Variants in SLC38A4 observed in about 807,000 individuals in gnomAD.
SLC38A4 encodes solute carrier family 38 member 4.
Under a neutral mutation model 63.1 loss-of-function variants are expected in SLC38A4, and 20 were observed. That is an observed-to-expected ratio of 0.32 (90% CI 0.22 to 0.46). SLC38A4 has a LOEUF of 0.46. SLC38A4 is among the 20% of genes least tolerant of loss of function. The pLI is 1.00. For synonymous variants in SLC38A4, 230 were observed against 225.5 expected (o/e 1.02, Z -0.18); for missense variants, 526 against 663.6 (o/e 0.79, Z 2.28).
intron 2 of SLC38A4, among the ~76,000 whole-genome samples, chr12:46,796,899 C>G (rs572899161): frequency 2.6e-5 from 4 of 152,028 alleles, no homozygotes; most frequent in African/African-American, 7.2e-5. Flanking sequence ...TTGTCTTTAT[C>G]GACTTAACTT....
rs759775472 is a variant in SLC38A4 at position 46,766,641 on chromosome 12, A to G, written c.*60T>C. The G allele has an allele frequency of 1.8e-6, 2 of 1,096,704 alleles. No individual in the cohort carries two copies. Among genetic ancestry groups the G allele is most frequent in the Non-Finnish European group, 2.8e-6 (2 of 725,070 alleles). The allele number at this position is 1,096,704 out of a possible 1,614,324, so 67.9% of individuals were successfully genotyped here. Reference sequence around the variant, plus strand: ...ACATTCCAATCAAGATAATTCAAATATCTTTTGGAGTATAACTTGTAACCA... The same window carrying G: ...ACATTCCAATCAAGATAATTCAAATGTCTTTTGGAGTATAACTTGTAACCA... On this transcript the variant is annotated 3_prime_UTR_variant, in exon 17 of 17. Coordinates refer to ENST00000266579, the MANE Select transcript of SLC38A4 (RefSeq NM_018018.5).
intron 5 of SLC38A4, among the ~76,000 whole-genome samples, chr12:46,786,186 A>C (rs1405395505): frequency 2.6e-5 from 4 of 152,122 alleles, no homozygotes; most frequent in Non-Finnish European, 1.5e-5. Flanking sequence ...TTAAGGAATA[A>C]TGTAATTCAG....
chr12:46,796,669 C>T (rs1939013411), intron 2 of SLC38A4, among the ~76,000 whole-genome samples: 1 of 152,114 alleles, frequency 6.6e-6, no homozygotes, highest in South Asian at 2.1e-4. Context: ...TTTAATGTAT[C>T]TTCTTTTTGG....
chr12:46,779,528 T>C, intron 10 of SLC38A4, 83 bp downstream of exon 10: 1 of 1,093,112 alleles, frequency 9.1e-7, no homozygotes, highest in South Asian at 1.5e-5. Flanking sequence ...AGTGAAGTGC[T>C]TGAACAAAAT....
At chr12:46,769,637 G>T (rs143621485) in intron 14 of SLC38A4, among the ~76,000 whole-genome samples, 2 of 152,064 alleles carry the variant, frequency 1.3e-5, no homozygotes, top group East Asian at 3.9e-4. Context: ...CAGTTCAGTG[G>T]TATTAAGCAT....
At chr12:46,822,749 C>T (rs1472375197) in intron 1 of SLC38A4, among the ~76,000 whole-genome samples, 4 of 152,150 alleles carry the variant, frequency 2.6e-5, no homozygotes, top group East Asian at 3.9e-4. Context: ...TTGGAAACAA[C>T]AAACAAGAGT....
At chr12:46,776,691 G>C (rs567100502) in intron 13 of SLC38A4, among the ~76,000 whole-genome samples, 1 of 152,014 alleles carries the variant, frequency 6.6e-6, no homozygotes, top group Non-Finnish European at 1.5e-5. Flanking sequence ...TAAAATAGGT[G>C]TTAATTCACA....
intron 1 of SLC38A4, among the ~76,000 whole-genome samples, chr12:46,810,659 GTAGA>G (rs1939322504): frequency 6.6e-6 from 1 of 151,810 alleles, no homozygotes; most frequent in Non-Finnish European, 1.5e-5. Flanking sequence ...ATGTGGAAAT[GTAGA>G]TAGTGTCTAT....
chr12:46,791,174 A>G (rs575384715), intron 3 of SLC38A4, among the ~76,000 whole-genome samples: 1 of 152,324 alleles, frequency 6.6e-6, no homozygotes, highest in South Asian at 2.1e-4. Context: ...GAATCAATTT[A>G]CTGAGGGTAA....
chr12:46,807,549 T>TA (rs1439526634), intron 1 of SLC38A4, among the ~76,000 whole-genome samples: 2 of 152,010 alleles, frequency 1.3e-5, no homozygotes, highest in Non-Finnish European at 2.9e-5. Context: ...CTTACAGTGT[T>TA]AAAGAGAATT....
intron 12 of SLC38A4, among the ~76,000 whole-genome samples, chr12:46,777,596 G>A (rs1476421355): frequency 6.6e-6 from 1 of 151,958 alleles, no homozygotes; most frequent in Non-Finnish European, 1.5e-5. Flanking sequence ...GCTATTTAGT[G>A]AGAATGAAGA....
intron 10 of SLC38A4, 28 bp from the exon 11 acceptor site, chr12:46,778,804 A>AT: frequency 6.3e-7 from 1 of 1,594,808 alleles, no homozygotes; most frequent in Non-Finnish European, 8.5e-7. Flanking sequence ...AAAAGAAAAA[A>AT]AAATCAGCTT....
chr12:46,766,688 A>G lies in SLC38A4; in HGVS notation c.*13T>C. On this transcript the variant is annotated 3_prime_UTR_variant, in exon 17 of 17. Coordinates refer to ENST00000266579, the MANE Select transcript of SLC38A4 (RefSeq NM_018018.5). ...ACCATTTCCAATAGAAAAAGAAAGT[A>G]TTTTTCCTTGTGTTAGTGATGCTTG... The G allele has an allele frequency of 3.3e-6, 5 of 1,534,982 alleles. No homozygotes were observed. The highest frequency in any genetic ancestry group is 4.5e-6 in the Non-Finnish European group (5 of 1,110,712).
intron 1 of SLC38A4, among the ~76,000 whole-genome samples, chr12:46,823,790 AAGGGAGGGATTT>A (rs1939596657): frequency 6.6e-6 from 1 of 152,192 alleles, no homozygotes; most frequent in African/African-American, 2.4e-5. Flanking sequence ...GTACGGGCTG[AAGGGAGGGATTT>A]AGCCTAAGCC....
chr12:46,779,721 C>T (rs767954395), intron 9 of SLC38A4, 52 bp from the exon 10 acceptor site: 1 of 1,585,912 alleles, frequency 6.3e-7, no homozygotes, highest in Non-Finnish European at 8.6e-7. Flanking sequence ...CTACAATTAG[C>T]TAACCTATTT....
At chr12:46,809,649 A>T (rs978292401) in intron 1 of SLC38A4, among the ~76,000 whole-genome samples, 2 of 152,212 alleles carry the variant, frequency 1.3e-5, no homozygotes, top group South Asian at 4.1e-4. Flanking sequence ...TAGGAATTAT[A>T]ATTCTTGGAA....
In SLC38A4 at chr12:46,778,590, C is replaced by T. The variant is rs758781013; in HGVS notation, c.904G>A (p.Ala302Thr). The T allele has an allele frequency of 9.9e-6, 16 of 1,613,030 alleles. No homozygotes were observed. The highest frequency in any genetic ancestry group is 6.7e-5 in the Admixed American group (4 of 59,848). Residue 302 changes from alanine to threonine, a missense_variant, in exon 11 of 17, where the codon GCC (alanine) becomes ACC (threonine). Physicochemically the swap from Ala to Thr is moderately conservative, Grantham distance 58 (BLOSUM62 0). Coordinates refer to ENST00000266579, the MANE Select transcript of SLC38A4 (RefSeq NM_018018.5). ...RNPAGLDENQ[A>T]KGSLHDSGVE... ...CCACTGTCATGAAGAGAGCCCTTGGCCTGGTTCTCATCCAGCCCTGCAGGA... is the reference window on the plus strand; with the variant it reads ...CCACTGTCATGAAGAGAGCCCTTGGTCTGGTTCTCATCCAGCCCTGCAGGA...
chr12:46,797,536 C>G (rs762026373), intron 2 of SLC38A4, among the ~76,000 whole-genome samples: 2 of 152,148 alleles, frequency 1.3e-5, no homozygotes, highest in Non-Finnish European at 2.9e-5. Context: ...ATACCACCAG[C>G]TTTCCTGGTT....
chr12:46,772,156 C>G (rs1219907045), intron 14 of SLC38A4, among the ~76,000 whole-genome samples: 1 of 151,298 alleles, frequency 6.6e-6, no homozygotes, highest in Non-Finnish European at 1.5e-5. Context: ...AAAGCCTCTC[C>G]CATTGTTTAG....
Sources: allele counts gnomAD v4.1 joint callset (sites outside exome capture counted in the v4.1 genomes callset), GRCh38; gene constraint gnomAD v4.1.1; transcripts MANE v1.5; gene names NCBI Gene and HGNC (gene_info 2026-07-23, HGNC 2026-07-21).